CFTR: variants seen among roughly 807,000 people sequenced by gnomAD.
The protein encoded by CFTR is cystic fibrosis transmembrane conductance regulator.
Under a neutral mutation model 171.6 loss-of-function variants are expected in CFTR, and 181 were observed. The ratio of observed to expected loss-of-function variants is 1.05; its 90% CI spans 0.93 to 1.19. The LOEUF is 1.19. Ranked by LOEUF, CFTR falls within the 50% of genes most tolerant of loss-of-function variation. CFTR has a pLI of 0.00. For missense variants in CFTR, 1,968 were observed against 1,734.7 expected (o/e 1.13, Z -2.39); for synonymous variants, 583 against 608.0 (o/e 0.96, Z 0.60).
chr7:117,622,470 A>G (rs909614009), intron 21 of CFTR, among the ~76,000 whole-genome samples: 3 of 152,146 alleles, frequency 2.0e-5, no homozygotes, highest in African/African-American at 7.2e-5. Context: ...TATGTACTTC[A>G]TACTTAGAAA....
intron 11 of CFTR, among the ~76,000 whole-genome samples, chr7:117,572,409 C>T (rs1050036146): frequency 2.0e-5 from 3 of 152,046 alleles, no homozygotes; most frequent in Admixed American, 1.3e-4. Context: ...TCATGTTTGA[C>T]TTAGGTCAAC....
chr7:117,498,770 T>A (rs1023065935), intron 1 of CFTR, among the ~76,000 whole-genome samples: 13 of 152,028 alleles, frequency 8.6e-5, no homozygotes, highest in African/African-American at 3.1e-4. Context: ...ATGATCACAA[T>A]CTTTTCCAAT....
At chr7:117,657,873 T>A (rs1320586092) in intron 24 of CFTR, among the ~76,000 whole-genome samples, 1 of 152,236 alleles carries the variant, frequency 6.6e-6, no homozygotes, top group Non-Finnish European at 1.5e-5. Context: ...TATTTCTAGC[T>A]TGGACTTGGC....
chr7:117,603,827 A>G (rs1475905195), intron 17 of CFTR, 45 bp downstream of exon 17: 6 of 1,607,346 alleles, frequency 3.7e-6, no homozygotes, highest in Non-Finnish European at 5.1e-6. Flanking sequence ...TCCACCATCA[A>G]TAGGGCCTGT....
At chr7:117,622,402 G>T (rs749813201) in intron 21 of CFTR, among the ~76,000 whole-genome samples, 1 of 152,072 alleles carries the variant, frequency 6.6e-6, no homozygotes. Flanking sequence ...GTATTGAAAA[G>T]CATAGTTTTT....
Position 117,506,341 on chromosome 7 carries a change from G to T in CFTR, c.164+1978G>T, listed in dbSNP as rs368305000. Among the ~76,000 whole-genome samples, 146 of 152,196 alleles carry T rather than the reference G, an allele frequency of 9.6e-4. 1 individual carries two copies. Among genetic ancestry groups the T allele is most frequent in the Middle Eastern group, 6.8e-3 (2 of 294 alleles). On this transcript the variant is annotated intron_variant, in intron 2 of 26. Transcript: ENST00000003084. ...GGCTCACTGCAAACTTCGTCTCCTG[G>T]GTTCAAGTGATTCTCCTGCCTCAGC...
chr7:117,495,614 AAAAC>A (rs1798224579), intron 1 of CFTR, among the ~76,000 whole-genome samples: 1 of 152,312 alleles, frequency 6.6e-6, no homozygotes, highest in African/African-American at 2.4e-5. Context: ...TAGAGGACAG[AAAAC>A]AAACAATTTA....
intron 5 of CFTR, among the ~76,000 whole-genome samples, chr7:117,534,844 C>G (rs1015086743): frequency 4.6e-5 from 7 of 152,172 alleles, no homozygotes; most frequent in Non-Finnish European, 1.0e-4. Context: ...CTAAATGTCT[C>G]TGTCAAATGA....
chr7:117,575,350 C>T (rs1791754820), intron 11 of CFTR, among the ~76,000 whole-genome samples: 1 of 152,094 alleles, frequency 6.6e-6, no homozygotes, highest in African/African-American at 2.4e-5. Context: ...TCCCCAATTA[C>T]TTGTAAGATG....
At chr7:117,539,892 T>C (rs1799018861) in intron 7 of CFTR, among the ~76,000 whole-genome samples, 1 of 151,966 alleles carries the variant, frequency 6.6e-6, no homozygotes, top group Non-Finnish European at 1.5e-5. Flanking sequence ...ACACTGGTAC[T>C]TTCATTGTTA....
At chr7:117,592,701 AT>A (rs1562908309) in intron 14 of CFTR, 44 bp downstream of exon 14, 1 of 1,455,992 alleles carries the variant, frequency 6.9e-7, no homozygotes, top group African/African-American at 1.4e-5. Flanking sequence ...ACAGAATGCA[AT>A]TGAGTAGAAT....
chr7:117,621,183 G>C (rs1792573375), intron 21 of CFTR, among the ~76,000 whole-genome samples: 1 of 152,098 alleles, frequency 6.6e-6, no homozygotes, highest in South Asian at 2.1e-4. Context: ...CTTGGTAGGG[G>C]GCAGGGTGAC....
At chr7:117,570,934 T>C (rs1791678274) in intron 11 of CFTR, among the ~76,000 whole-genome samples, 1 of 152,208 alleles carries the variant, frequency 6.6e-6, no homozygotes, top group Non-Finnish European at 1.5e-5. Context: ...CAAGCTACCA[T>C]AATCCTAAGT....
intron 24 of CFTR, 143 bp from the exon 25 acceptor site, chr7:117,664,545 A>T: frequency 1.3e-6 from 1 of 748,388 alleles, no homozygotes; most frequent in Non-Finnish European, 2.3e-6. Flanking sequence ...TTGCTCAATC[A>T]ATTCAAATGG....
intron 26 of CFTR, 147 bp downstream of exon 26, chr7:117,665,711 A>G: frequency 1.5e-6 from 1 of 679,602 alleles, no homozygotes; most frequent in East Asian, 2.7e-5. Flanking sequence ...TACTCAAAAT[A>G]GCTGCACAAG....
At chr7:117,548,040 C>A (rs1164867744) in intron 9 of CFTR, among the ~76,000 whole-genome samples, 1 of 152,180 alleles carries the variant, frequency 6.6e-6, no homozygotes, top group Non-Finnish European at 1.5e-5. Flanking sequence ...GGAATTACTT[C>A]TTCGTAGCTA....
intron 22 of CFTR, among the ~76,000 whole-genome samples, chr7:117,634,445 T>C (rs937244962): frequency 1.3e-5 from 2 of 152,068 alleles, no homozygotes; most frequent in Non-Finnish European, 2.9e-5. Context: ...TTTTGTTTTA[T>C]TGATTTTCTC....
intron 23 of CFTR, 116 bp downstream of exon 23, chr7:117,642,709 C>A: frequency 1.7e-6 from 2 of 1,145,346 alleles, no homozygotes; most frequent in Non-Finnish European, 1.3e-6. Context: ...TTATGCATTG[C>A]TGTCTTTTTT....
intron 10 of CFTR, 93 bp from the exon 11 acceptor site, chr7:117,559,371 G>T: frequency 1.2e-6 from 1 of 848,786 alleles, no homozygotes; most frequent in Non-Finnish European, 2.0e-6. Flanking sequence ...TTACAAATAA[G>T]AATATACACT....
Sources: allele counts gnomAD v4.1 joint callset (sites outside exome capture counted in the v4.1 genomes callset), GRCh38; gene constraint gnomAD v4.1.1; transcripts MANE v1.5; gene names NCBI Gene and HGNC (gene_info 2026-07-23, HGNC 2026-07-21).